Variants in DSCAM observed in about 807,000 individuals in gnomAD.
DSCAM encodes the protein DS cell adhesion molecule.
A neutral mutation model predicts 217.7 loss-of-function variants in DSCAM; 47 were observed. The observed-to-expected ratio is 0.22, with a 90% CI of 0.17 to 0.28. The LOEUF (loss-of-function observed/expected upper bound fraction) is 0.28. Among genes scored for constraint, DSCAM ranks in the 10% least tolerant of loss-of-function variants. The pLI, the probability that DSCAM is intolerant of heterozygous loss-of-function variation, is 1.00. For synonymous variants in DSCAM, 1,056 were observed against 1,015.3 expected (o/e 1.04, Z -0.76); for missense variants, 2,080 against 2,618.3 (o/e 0.79, Z 4.49).
At chr21:40,287,953 A>G (rs1033109055) in intron 10 of DSCAM, among the ~76,000 whole-genome samples, 10 of 152,206 alleles carry the variant, frequency 6.6e-5, no homozygotes, top group African/African-American at 2.4e-4. Context: ...GACACAGGAA[A>G]AGGGGCAGGG....
intron 1 of DSCAM, among the ~76,000 whole-genome samples, chr21:40,724,932 C>G (rs981379631): frequency 2.6e-5 from 4 of 152,162 alleles, no homozygotes; most frequent in Non-Finnish European, 4.4e-5. Flanking sequence ...TCATGTAACG[C>G]ACAGGTTTAA....
chr21:40,198,123 A>G (rs1247975107), intron 11 of DSCAM, among the ~76,000 whole-genome samples: 1 of 152,146 alleles, frequency 6.6e-6, no homozygotes, highest in Non-Finnish European at 1.5e-5. Flanking sequence ...CCGCAAGCCT[A>G]TTGCATATTT....
At chr21:40,748,683 C>T (rs1395839729) in intron 1 of DSCAM, among the ~76,000 whole-genome samples, 1 of 151,948 alleles carries the variant, frequency 6.6e-6, no homozygotes, top group African/African-American at 2.4e-5. Flanking sequence ...TTAATGCAAT[C>T]TCTATAATAA....
At position 40,276,091 on chromosome 21, in the gene DSCAM, TCTTA is replaced by T; in HGVS notation, c.2356+2_2356+5del. 1 of 1,558,622 alleles carries T rather than the reference TCTTA, an allele frequency of 6.4e-7. No individual in the cohort carries two copies. Among genetic ancestry groups the T allele is most frequent in the Non-Finnish European group, 8.7e-7 (1 of 1,154,226 alleles). On this transcript the variant is annotated splice_donor_variant and splice_donor_5th_base_variant and intron_variant, in intron 11 of 32. Coordinates refer to ENST00000400454, the MANE Select transcript of DSCAM (RefSeq NM_001389.5). LOFTEE classifies it high-confidence loss of function. Reference sequence around the variant, plus strand: ...TAGGTAAAACGAAGCATTTCTTCTCTCTTACTTTTAACCGTGAGGTACATGGACT... The same window carrying T: ...TAGGTAAAACGAAGCATTTCTTCTCTCTTTTAACCGTGAGGTACATGGACT...
chr21:40,666,325 T>C (rs2090199064), intron 3 of DSCAM, among the ~76,000 whole-genome samples: 1 of 152,110 alleles, frequency 6.6e-6, no homozygotes, highest in South Asian at 2.1e-4. Context: ...AAAACAACCC[T>C]ATGAGCAGAG....
At chr21:40,327,289 CCTT>C (rs1283656589) in intron 8 of DSCAM, among the ~76,000 whole-genome samples, 1 of 152,104 alleles carries the variant, frequency 6.6e-6, no homozygotes, top group African/African-American at 2.4e-5. Context: ...ATAATTCTCT[CCTT>C]CTCTAAGTTT....
intron 1 of DSCAM, among the ~76,000 whole-genome samples, chr21:40,770,321 TTTTC>T (rs1435213343): frequency 6.6e-6 from 1 of 152,222 alleles, no homozygotes; most frequent in African/African-American, 2.4e-5. Context: ...CTTTTCAATA[TTTTC>T]TTTCTCTATT....
At chr21:40,667,594 T>C (rs1273313890) in intron 3 of DSCAM, among the ~76,000 whole-genome samples, 10 of 152,086 alleles carry the variant, frequency 6.6e-5, no homozygotes, top group Non-Finnish European at 1.5e-4. Context: ...TCCCCACATG[T>C]TGTGGGAGGA....
intron 13 of DSCAM, 144 bp downstream of exon 13, chr21:40,187,747 C>G (rs952529427): frequency 1.3e-6 from 1 of 777,182 alleles, no homozygotes; most frequent in African/African-American, 1.7e-5. Flanking sequence ...TCTGCTTTAG[C>G]ACTGACATTA....
At chr21:40,502,641 C>G (rs185314648) in intron 3 of DSCAM, among the ~76,000 whole-genome samples, 45 of 152,316 alleles carry the variant, frequency 3.0e-4, no homozygotes, top group Admixed American at 5.9e-4. Flanking sequence ...ATCACTCTGA[C>G]ACGGGTTCTC....
intron 3 of DSCAM, among the ~76,000 whole-genome samples, chr21:40,386,962 C>T (rs1456955051): frequency 6.6e-6 from 1 of 152,016 alleles, no homozygotes; most frequent in Non-Finnish European, 1.5e-5. Flanking sequence ...TTATTTGGAA[C>T]CTTATTTTTC....
intron 11 of DSCAM, among the ~76,000 whole-genome samples, chr21:40,196,415 C>A (rs770904117): frequency 4.6e-5 from 7 of 152,264 alleles, no homozygotes; most frequent in Middle Eastern, 3.4e-3. Context: ...GGCCAGTGCT[C>A]AGGCCCCACC....
intron 3 of DSCAM, among the ~76,000 whole-genome samples, chr21:40,663,193 T>A (rs1315390810): frequency 6.9e-6 from 1 of 145,334 alleles, no homozygotes; most frequent in Non-Finnish European, 1.5e-5. Context: ...GTATGACATA[T>A]GTGCATGTGA....
chr21:40,122,216 T>C (rs879716117), intron 20 of DSCAM, among the ~76,000 whole-genome samples: 9 of 152,162 alleles, frequency 5.9e-5, no homozygotes, highest in African/African-American at 9.7e-5. Flanking sequence ...GCCTGTATCA[T>C]CCACAAATAG....
At chr21:40,488,908 T>C (rs1398047459) in intron 3 of DSCAM, among the ~76,000 whole-genome samples, 1 of 152,310 alleles carries the variant, frequency 6.6e-6, no homozygotes, top group East Asian at 1.9e-4. Context: ...TTCACAGAGA[T>C]TCTGCAGCCA....
chr21:40,613,244 A>C (rs2089340494), intron 3 of DSCAM, among the ~76,000 whole-genome samples: 1 of 152,242 alleles, frequency 6.6e-6, no homozygotes, highest in South Asian at 2.1e-4. Context: ...AATAGGAACA[A>C]ACATTATTAA....
At chr21:40,411,098 T>C (rs946239656) in intron 3 of DSCAM, among the ~76,000 whole-genome samples, 2 of 151,680 alleles carry the variant, frequency 1.3e-5, no homozygotes, top group African/African-American at 4.8e-5. Flanking sequence ...CAGGGGAGTA[T>C]TGGAAATACA....
At chr21:40,740,893 T>A (rs1601197723) in intron 1 of DSCAM, among the ~76,000 whole-genome samples, 1 of 152,356 alleles carries the variant, frequency 6.6e-6, no homozygotes, top group East Asian at 1.9e-4. Flanking sequence ...TCAGAAGATC[T>A]CAGATTGGTA....
intron 1 of DSCAM, among the ~76,000 whole-genome samples, chr21:40,724,637 C>A (rs754400876): frequency 6.6e-5 from 10 of 152,160 alleles, no homozygotes; most frequent in Non-Finnish European, 1.2e-4. Flanking sequence ...ATCATTTCTC[C>A]TATGATTAAA....
Sources: allele counts gnomAD v4.1 joint callset (sites outside exome capture counted in the v4.1 genomes callset), GRCh38; gene constraint gnomAD v4.1.1; transcripts MANE v1.5; gene names NCBI Gene and HGNC (gene_info 2026-07-23, HGNC 2026-07-21).